SEMA6A: variants seen among roughly 807,000 people sequenced by gnomAD.
SEMA6A encodes semaphorin-6A.
SEMA6A carries 25 observed loss-of-function variants against 96.8 expected under a neutral mutation model. The observed-to-expected ratio is 0.26, with a 90% confidence interval of 0.19 to 0.36. The LOEUF is 0.36. Among genes scored for constraint, SEMA6A ranks in the 10% least tolerant of loss-of-function variants. SEMA6A has a pLI of 1.00. For missense variants in SEMA6A, 1,363 were observed against 1,323.1 expected (o/e 1.03, Z -0.47); for synonymous variants, 612 against 518.0 (o/e 1.18, Z -2.46).
At chr5:116,493,865 G>A (rs1019310325) in intron 6 of SEMA6A, among the ~76,000 whole-genome samples, 2 of 152,118 alleles carry the variant, frequency 1.3e-5, no homozygotes, top group African/African-American at 4.8e-5. Flanking sequence ...TTGCTAGATA[G>A]CTCTATTCAT....
At chr5:116,526,063 T>G (rs1427918778) in intron 1 of SEMA6A, among the ~76,000 whole-genome samples, 1 of 150,630 alleles carries the variant, frequency 6.6e-6, no homozygotes, top group Non-Finnish European at 1.5e-5. Context: ...TTTTCACTCT[T>G]CGATTGACTT....
chr5:116,478,689 G>C lies in SEMA6A; in HGVS notation c.1280C>G (p.Thr427Arg). Residue 427 changes from threonine to arginine, a missense_variant, in exon 13 of 19, where the codon ACA becomes AGA. Physicochemically the swap from Thr to Arg is moderately conservative, Grantham distance 71. This residue lies in a region of SEMA6A where 480 missense variants were observed against 559.5 expected (regional missense o/e 0.86). Coordinates refer to ENST00000343348, the MANE Select transcript of SEMA6A (RefSeq NM_020796.5). ...RYRLTKIAVD[T>R]AAGPYQNHTV... ...GTGATTCTGATATGGCCCAGCAGCT[G>C]TGTCCACTGCAATTTTGGTAAGGCG... The C allele has an allele frequency of 6.2e-7, 1 of 1,612,960 alleles. No individual in the cohort carries two copies. The highest frequency in any genetic ancestry group is 8.5e-7 in the Non-Finnish European group (1 of 1,179,648).
chr5:116,549,652 G>T (rs1760319678), intron 1 of SEMA6A, among the ~76,000 whole-genome samples: 4 of 151,950 alleles, frequency 2.6e-5, no homozygotes, highest in Admixed American at 2.6e-4. Flanking sequence ...TTCTAACAAG[G>T]CATACATATC....
At chr5:116,520,255 CTT>C (rs60534452) in intron 1 of SEMA6A, among the ~76,000 whole-genome samples, 4,368 of 135,336 alleles carry the variant, frequency 0.032, 216 homozygotes, top group African/African-American at 0.11. Flanking sequence ...CAGCCTGATG[CTT>C]TTTTTTTTTT....
rs1211397394 is a variant in SEMA6A, at chr5:116,574,266, G to A, written c.-120C>T. 6.6e-6 allele frequency: 1 copy of A among 152,354 alleles called. No individual in the cohort carries two copies. The highest frequency in any genetic ancestry group is 1.5e-5 in the Non-Finnish European group (1 of 68,004). 9.4% of individuals were successfully genotyped at this position (152,354 alleles called of 1,614,324 possible). On this transcript the variant is annotated 5_prime_UTR_variant, in exon 1 of 19. It introduces an in-frame stop codon into an upstream open reading frame of the 5' UTR. Coordinates refer to ENST00000343348, the MANE Select transcript of SEMA6A (RefSeq NM_020796.5). ...GTATCCCATTTAGTAATCCATTATC[G>A]AGGGGATCTCTCCGGGCCGCGGGCT... is the stretch of plus-strand genomic sequence containing the variant.
At chr5:116,542,078 C>T (rs995353635) in intron 1 of SEMA6A, among the ~76,000 whole-genome samples, 5 of 152,162 alleles carry the variant, frequency 3.3e-5, no homozygotes, top group Non-Finnish European at 1.5e-5. Flanking sequence ...CCTGGGGAAC[C>T]ATCAGGCATT....
At chr5:116,521,729 AC>A (rs1282886827) in intron 1 of SEMA6A, among the ~76,000 whole-genome samples, 1 of 152,220 alleles carries the variant, frequency 6.6e-6, no homozygotes, top group Non-Finnish European at 1.5e-5. Flanking sequence ...TCGGCGTAAA[AC>A]AGAACTCAAA....
At chr5:116,496,489 G>A (rs926147762) in intron 4 of SEMA6A, among the ~76,000 whole-genome samples, 176 bp from the exon 5 acceptor site, 39 of 152,102 alleles carry the variant, frequency 2.6e-4, no homozygotes, top group African/African-American at 8.2e-4. Flanking sequence ...GAAAACGTCC[G>A]TTTAATTTTG....
intron 1 of SEMA6A, chr5:116,562,851 G>A (rs962607095): frequency 5.1e-5 from 34 of 663,346 alleles, no homozygotes; most frequent in Middle Eastern, 5.2e-4. Flanking sequence ...ATCAAACACC[G>A]GGCCACAGGA....
chr5:116,465,229 T>C (rs1183578661), intron 18 of SEMA6A, among the ~76,000 whole-genome samples: 1 of 152,172 alleles, frequency 6.6e-6, no homozygotes, highest in Non-Finnish European at 1.5e-5. Flanking sequence ...GACGCCATCA[T>C]GAGTCAGAAA....
chr5:116,569,321 G>A (rs1186746618), intron 1 of SEMA6A, among the ~76,000 whole-genome samples: 3 of 152,162 alleles, frequency 2.0e-5, no homozygotes, highest in Admixed American at 1.3e-4. Flanking sequence ...GCATGAAAGA[G>A]TAAGTCCTTG....
In SEMA6A at chr5:116,467,767, A is replaced by T. The variant is rs1755854777; in HGVS notation, c.1730-20T>A. 2.5e-6 allele frequency: 4 copies of T among 1,612,656 alleles called. No individual in the cohort carries two copies. The highest frequency in any genetic ancestry group is 3.4e-6 in the Non-Finnish European group (4 of 1,179,272). On this transcript the variant is annotated intron_variant, in intron 17 of 18. Coordinates refer to ENST00000343348, the MANE Select transcript of SEMA6A (RefSeq NM_020796.5). ...AATGCCCTGTTTTCATCACAAATACAGTTAGGAAAACATCACCAGAGAGAC... is the reference window on the plus strand; with the variant it reads ...AATGCCCTGTTTTCATCACAAATACTGTTAGGAAAACATCACCAGAGAGAC...
intron 1 of SEMA6A, among the ~76,000 whole-genome samples, chr5:116,545,196 G>T (rs763188885): frequency 1.3e-5 from 2 of 152,180 alleles, no homozygotes; most frequent in Non-Finnish European, 2.9e-5. Flanking sequence ...AGCCAGTCGG[G>T]TTTAGCTTAG....
chr5:116,491,727 T>G lies in SEMA6A; in HGVS notation c.535+13A>C, dbSNP rs747845526. ...CAAAAGCAAGTGCAACGAGGAGAAA[T>G]CAGGTCGCTTACCTGCAAACAGTGC... is the stretch of plus-strand genomic sequence containing the variant. On this transcript the variant is annotated intron_variant, in intron 7 of 18. Transcript: ENST00000343348. The G allele has an allele frequency of 6.2e-6, 10 of 1,608,940 alleles. No homozygotes were observed. In the East Asian group the frequency reaches 2.2e-4, roughly 36 times the overall value.
At position 116,530,922 on chromosome 5, in the gene SEMA6A, T is replaced by C. The variant is rs1759440843; in HGVS notation, c.-38-25940A>G. On this transcript the variant is annotated intron_variant, in intron 1 of 18. Transcript: ENST00000343348. Reference sequence around the variant, plus strand: ...GACCTAGCTCTTGATGTGTAATGACTCACTTAATCCTCACAATAGCTTTAG... The same window carrying C: ...GACCTAGCTCTTGATGTGTAATGACCCACTTAATCCTCACAATAGCTTTAG... 2.6e-5 allele frequency among the ~76,000 whole-genome samples: 4 copies of C among 152,350 alleles called. No homozygotes were observed. The South Asian group carries it at 8.3e-4, about 32-fold the overall frequency.
intron 1 of SEMA6A, among the ~76,000 whole-genome samples, chr5:116,517,705 GC>G (rs1561511916): frequency 1.3e-5 from 2 of 152,176 alleles, no homozygotes; most frequent in African/African-American, 4.8e-5. Flanking sequence ...AGGTCCCAAA[GC>G]CTCTCCTAAG....
intron 10 of SEMA6A, among the ~76,000 whole-genome samples, chr5:116,484,891 T>C (rs1170994058): frequency 1.3e-5 from 2 of 152,060 alleles, no homozygotes; most frequent in African/African-American, 2.4e-5. Context: ...TGGCAGAGGA[T>C]GGGAGGGGAT....
intron 4 of SEMA6A, 25 bp from the exon 5 acceptor site, chr5:116,496,338 A>T: frequency 6.2e-7 from 1 of 1,606,662 alleles, no homozygotes; most frequent in Non-Finnish European, 8.5e-7. Flanking sequence ...AAAGAAATCA[A>T]TTAGAGCCCA....
At chr5:116,494,833 T>C (rs1478047547) in intron 6 of SEMA6A, among the ~76,000 whole-genome samples, 1 of 152,208 alleles carries the variant, frequency 6.6e-6, no homozygotes, top group Non-Finnish European at 1.5e-5. Flanking sequence ...GCGAGGTCCC[T>C]GCTCCTTCAT....
Sources: allele counts gnomAD v4.1 joint callset (sites outside exome capture counted in the v4.1 genomes callset), GRCh38; gene constraint gnomAD v4.1.1; regional missense constraint gnomAD v4.1.1; transcripts MANE v1.5; gene names NCBI Gene and HGNC (gene_info 2026-07-23, HGNC 2026-07-21).